The following KIF13A variants were observed in gnomAD, a reference collection of about 807,000 sequenced individuals.
KIF13A encodes the protein kinesin-like protein KIF13A.
KIF13A carries 79 observed loss-of-function variants against 212.2 expected under a neutral mutation model. That is an observed-to-expected ratio of 0.37 (90% CI 0.31 to 0.45). The LOEUF is 0.45. Ranked by LOEUF, KIF13A falls within the 20% of genes least tolerant of loss-of-function variation. The probability of loss-of-function intolerance (pLI) is 1.00; values close to 1 mark genes in which losing one functional copy is unlikely to be tolerated. For missense variants in KIF13A, 1,901 were observed against 2,209.0 expected (o/e 0.86, Z 2.79); for synonymous variants, 789 against 808.6 (o/e 0.98, Z 0.41).
In KIF13A at chr6:17,799,716, C is replaced by A. The variant is rs555016544; in HGVS notation, c.2616+236G>T. 1.3e-5 allele frequency among the ~76,000 whole-genome samples: 2 copies of A among 152,258 alleles called. No individual in the cohort carries two copies. Among genetic ancestry groups the A allele is most frequent in the East Asian group, 3.9e-4 (2 of 5,190 alleles). On this transcript the variant is annotated intron_variant, in intron 21 of 38. Transcript: ENST00000259711. This position sits in a 1 kb window ranked among gnomAD's most constrained non-coding sequence, Gnocchi z 4.4. ...CAACCTTTAATAGAAAAACATAATT[C>A]ACTAAGCAACATACACTTCTTGCAT...
At position 17,849,072 on chromosome 6, in the gene KIF13A, C is replaced by T. The variant is rs1468113467; in HGVS notation, c.830+305G>A. Among the ~76,000 whole-genome samples, 3 of 152,002 alleles carry T rather than the reference C, an allele frequency of 2.0e-5. No individual in the cohort carries two copies. Among genetic ancestry groups the T allele is most frequent in the Admixed American group, 1.3e-4 (2 of 15,236 alleles). On this transcript the variant is annotated intron_variant, in intron 9 of 38. Coordinates refer to ENST00000259711, the MANE Select transcript of KIF13A (RefSeq NM_022113.6). The surrounding 1 kb of genome is among the most constrained non-coding windows in gnomAD (Gnocchi z 5.7). ...AGCTGGGGTTACCGGTGTGCGTGACCGTGCCTTTTTAGTAGAGATGGGGTT... is the reference window on the plus strand; with the variant it reads ...AGCTGGGGTTACCGGTGTGCGTGACTGTGCCTTTTTAGTAGAGATGGGGTT...
chr6:17,925,531 C>T (rs1775424887), intron 2 of KIF13A, among the ~76,000 whole-genome samples: 2 of 152,212 alleles, frequency 1.3e-5, no homozygotes, highest in African/African-American at 4.8e-5. Flanking sequence ...AGTAAACACA[C>T]ATGGTTTCTC....
In KIF13A at chr6:17,934,668, G is replaced by A. The variant is rs1046697914; in HGVS notation, c.147-36488C>T. ...CAGGGCATGGTGGCACATCCCTGTG[G>A]TCTCACCTACTTGGGAGGCCGAGGT... On this transcript the variant is annotated intron_variant, in intron 2 of 38. Coordinates refer to ENST00000259711, the MANE Select transcript of KIF13A (RefSeq NM_022113.6). The surrounding 1 kb of genome is among the most constrained non-coding windows in gnomAD (Gnocchi z 5.4). Among the ~76,000 whole-genome samples, 2 of 151,650 alleles carry A rather than the reference G, an allele frequency of 1.3e-5. No individual in the cohort carries two copies. Among genetic ancestry groups the A allele is most frequent in the Non-Finnish European group, 2.9e-5 (2 of 67,902 alleles).
At chr6:17,933,902 A>G (rs2150542408) in intron 2 of KIF13A, among the ~76,000 whole-genome samples, 1 of 152,276 alleles carries the variant, frequency 6.6e-6, no homozygotes, top group South Asian at 2.1e-4. Flanking sequence ...CATTTATCTC[A>G]GCCAGCTCCT....
At chr6:17,964,996 A>T (rs954847525) in intron 2 of KIF13A, among the ~76,000 whole-genome samples, 4 of 151,822 alleles carry the variant, frequency 2.6e-5, no homozygotes, top group African/African-American at 9.7e-5. Context: ...TAATTTTTTT[A>T]AATAATATTT....
Position 17,774,990 on chromosome 6 carries a change from C to T in KIF13A, c.4218+25G>A, listed in dbSNP as rs200785773. On this transcript the variant is annotated intron_variant, in intron 35 of 38. Coordinates refer to ENST00000259711, the MANE Select transcript of KIF13A (RefSeq NM_022113.6). ...TTCCAGACTAAGATTCTACTAAAAA[C>T]CTAGCCATGCCCATAGGTGCATACC... The T allele has an allele frequency of 6.3e-5, 101 of 1,595,294 alleles. No homozygotes were observed. The East Asian group carries it at 2.1e-3, about 33-fold the overall frequency.
intron 3 of KIF13A, among the ~76,000 whole-genome samples, chr6:17,893,484 G>T (rs55728594): frequency 0.031 from 4,706 of 152,226 alleles, 255 homozygotes; most frequent in African/African-American, 0.11. Flanking sequence ...CTTGTTTGCA[G>T]ATTTCTTAAG....
Position 17,918,097 on chromosome 6 carries a change from C to T in KIF13A, c.147-19917G>A, listed in dbSNP as rs896627785. The stretch of plus-strand genomic sequence containing the variant: ...GTCTTGTCCCCTTTACAGAGCTGCA[C>T]CAACAGGATGCCTAGGTCTGCCCTG... On this transcript the variant is annotated intron_variant, in intron 2 of 38. Coordinates refer to ENST00000259711, the MANE Select transcript of KIF13A (RefSeq NM_022113.6). The surrounding 1 kb of genome is among the most constrained non-coding windows in gnomAD (Gnocchi z 4.8). Among the ~76,000 whole-genome samples the T allele has an allele frequency of 1.3e-5, 2 of 151,970 alleles. No homozygotes were observed. The highest frequency in any genetic ancestry group is 2.9e-5 in the Non-Finnish European group (2 of 67,998).
At chr6:17,901,856 G>T (rs1773083387) in intron 2 of KIF13A, among the ~76,000 whole-genome samples, 1 of 152,184 alleles carries the variant, frequency 6.6e-6, no homozygotes, top group Admixed American at 6.5e-5. Context: ...TATGGGCTGG[G>T]CATGGTGGCA....
In KIF13A at chr6:17,837,085, G is replaced by A. The variant is rs1766033298; in HGVS notation, c.948C>T (p.Asn316=). 6.2e-7 allele frequency: 1 copy of A among 1,613,620 alleles called. No individual in the cohort carries two copies. The highest frequency in any genetic ancestry group is 8.5e-7 in the Non-Finnish European group (1 of 1,179,714). The change falls in exon 11 of 39, where the codon AAC becomes AAT. Residue 316 remains asparagine (N), a synonymous_variant. Transcript: ENST00000259711. The surrounding 1 kb of genome is among the most constrained non-coding windows in gnomAD (Gnocchi z 5.4). The part of the protein sequence containing the change: ...DSVLTWLLKD[N]LGGNSQTSMI... ...TAGAGGTTTGGCTGTTGCCCCCCAA[G>A]TTGTCCTGCCAAGTATTTCAAACAG... is the stretch of plus-strand genomic sequence containing the variant.
intron 2 of KIF13A, among the ~76,000 whole-genome samples, chr6:17,983,596 G>A (rs904914192): frequency 3.3e-5 from 5 of 151,786 alleles, no homozygotes; most frequent in East Asian, 1.9e-4. Context: ...AGGCTCAGGC[G>A]ATTCTCCTGC....
intron 2 of KIF13A, among the ~76,000 whole-genome samples, chr6:17,920,663 C>T (rs1429444207): frequency 1.3e-5 from 2 of 152,052 alleles, no homozygotes; most frequent in Non-Finnish European, 2.9e-5. Context: ...TACCTGAGGT[C>T]CGGAGTTCGA....
rs373202834 is a variant in KIF13A at position 17,856,856 on chromosome 6, G to A, written c.221-734C>T. Among the ~76,000 whole-genome samples the A allele has an allele frequency of 5.9e-5, 9 of 152,118 alleles. No homozygotes were observed. The highest frequency in any genetic ancestry group is 1.9e-4 in the African/African-American group (8 of 41,424). On this transcript the variant is annotated intron_variant, in intron 4 of 38. Transcript: ENST00000259711. The surrounding 1 kb of genome is among the most constrained non-coding windows in gnomAD (Gnocchi z 4.5). ...TCATTCTGTATCACTAAGACAATTA[G>A]ACTTATGTTCTCCTTCCTGTCTTCT...
At chr6:17,945,719 A>G (rs888265932) in intron 2 of KIF13A, among the ~76,000 whole-genome samples, 11 of 152,186 alleles carry the variant, frequency 7.2e-5, no homozygotes, top group African/African-American at 2.2e-4. Context: ...CAATCCCAAA[A>G]TAGTTTTTAA....
chr6:17,845,873 T>C (rs1385701905), intron 9 of KIF13A, among the ~76,000 whole-genome samples: 2 of 152,126 alleles, frequency 1.3e-5, no homozygotes, highest in African/African-American at 4.8e-5. Flanking sequence ...TCAGGAGACA[T>C]GAAGTTCCTA....
At chr6:17,901,081 CAAAAAA>C (rs34266366) in intron 2 of KIF13A, among the ~76,000 whole-genome samples, 2 of 70,282 alleles carry the variant, frequency 2.8e-5, no homozygotes, top group African/African-American at 9.9e-5. Flanking sequence ...GACTCTGTCT[CAAAAAA>C]AAAAAAAAAA....
At position 17,889,581 on chromosome 6, in the gene KIF13A, T is replaced by G. The variant is rs148293626; in HGVS notation, c.159+8587A>C. ...CCTCAGATTCTTTCTTCTTACTCTT[T>G]CCTTATATCTTGGCACATAAAATCC... On this transcript the variant is annotated intron_variant, in intron 3 of 38. Transcript: ENST00000259711. Among the ~76,000 whole-genome samples, 1,146 of 152,364 alleles carry G rather than the reference T, an allele frequency of 7.5e-3. 7 individuals are homozygous for G. Among genetic ancestry groups the G allele is most frequent in the Non-Finnish European group, 0.013 (917 of 68,032 alleles).
intron 7 of KIF13A, among the ~76,000 whole-genome samples, chr6:17,851,352 A>G (rs1405064649): frequency 6.6e-6 from 1 of 152,262 alleles, no homozygotes; most frequent in Non-Finnish European, 1.5e-5. Context: ...AAGTAAGTGC[A>G]GGGATTTGCT....
intron 2 of KIF13A, among the ~76,000 whole-genome samples, chr6:17,969,160 G>A (rs1479505143): frequency 6.6e-6 from 1 of 152,164 alleles, no homozygotes; most frequent in African/African-American, 2.4e-5. Context: ...AGACAAATAA[G>A]ACAAGGGGCT....
Sources: gnomAD v4.1 joint callset for allele counts (sites outside exome capture counted in the v4.1 genomes callset) on GRCh38, gnomAD v4.1.1 for gene constraint, Gnocchi (gnomAD v3.1) non-coding constraint, MANE v1.5 for transcripts, NCBI Gene and HGNC (gene_info 2026-07-23, HGNC 2026-07-21) for gene names.